The following KCNQ3 variants were observed in gnomAD, a reference collection of about 807,000 sequenced individuals.
KCNQ3 encodes potassium voltage-gated channel subfamily Q member 3.
KCNQ3 carries 30 observed loss-of-function variants against 92.5 expected under a neutral mutation model. That is an observed-to-expected ratio of 0.32 (90% CI 0.24 to 0.44). The LOEUF (loss-of-function observed/expected upper bound fraction) is 0.44. Ranked by LOEUF, KCNQ3 falls within the 20% of genes least tolerant of loss-of-function variation. The probability of loss-of-function intolerance (pLI) is 1.00; values close to 1 mark genes in which losing one functional copy is unlikely to be tolerated. For missense variants in KCNQ3, 913 were observed against 1,140.3 expected (o/e 0.80, Z 2.87); for synonymous variants, 450 against 468.8 (o/e 0.96, Z 0.52).
Position 132,121,229 on chromosome 8 carries a change from T to C in KCNQ3, c.*8033A>G, listed in dbSNP as rs898085076. ...GGATTCATGTCACTGGGAACCTCCA[T>C]TTGTTCTTCAAAGACTGGTGTTTTC... On this transcript the variant is annotated 3_prime_UTR_variant, in exon 15 of 15. Transcript: ENST00000388996. 1 of 152,152 alleles carries C rather than the reference T, an allele frequency of 6.6e-6. No individual in the cohort carries two copies. Among genetic ancestry groups the C allele is most frequent in the East Asian group, 1.9e-4 (1 of 5,202 alleles). The allele number at this position is 152,152 out of a possible 1,614,324, so 9.4% of individuals were successfully genotyped here.
At chr8:132,271,681 T>C (rs905928924) in intron 1 of KCNQ3, among the ~76,000 whole-genome samples, 7 of 152,218 alleles carry the variant, frequency 4.6e-5, no homozygotes, top group African/African-American at 1.7e-4. Context: ...GTGATGACAG[T>C]GAAAGTATTC....
intron 1 of KCNQ3, among the ~76,000 whole-genome samples, chr8:132,205,178 T>A (rs901673556): frequency 1.6e-4 from 24 of 152,244 alleles, no homozygotes; most frequent in African/African-American, 5.8e-4. Flanking sequence ...GTACTCACCC[T>A]CCAAAAAGAT....
At chr8:132,248,671 C>T (rs1289780359) in intron 1 of KCNQ3, among the ~76,000 whole-genome samples, 1 of 152,168 alleles carries the variant, frequency 6.6e-6, no homozygotes, top group Non-Finnish European at 1.5e-5. Flanking sequence ...TGTGGTTCAC[C>T]TGGGGCTGCA....
At chr8:132,304,991 T>C (rs1586912348) in intron 1 of KCNQ3, among the ~76,000 whole-genome samples, 1 of 152,094 alleles carries the variant, frequency 6.6e-6, no homozygotes. Flanking sequence ...GGCCAATAAG[T>C]GTGCTGGTTC....
intron 1 of KCNQ3, among the ~76,000 whole-genome samples, chr8:132,405,469 G>A (rs1255742263): frequency 6.6e-6 from 1 of 152,166 alleles, no homozygotes; most frequent in Non-Finnish European, 1.5e-5. Flanking sequence ...TGAGAGAAGT[G>A]CTAGGGCTCA....
Position 132,447,316 on chromosome 8 carries a change from G to C in KCNQ3, c.386+32831C>G. 2.1e-6 allele frequency: 3 copies of C among 1,411,030 alleles called. No homozygotes were observed. The South Asian group carries it at 3.7e-5, about 17-fold the overall frequency. 87.4% of individuals were successfully genotyped at this position (1,411,030 alleles called of 1,614,324 possible). On this transcript the variant is annotated intron_variant, in intron 1 of 14. Coordinates refer to ENST00000388996, the MANE Select transcript of KCNQ3 (RefSeq NM_004519.4). Reference sequence around the variant, plus strand: ...AAGCAGGGCAGAATGGGCAGACAAGGGTCAAGATAAAGGTACCAGAGAAAA... The same window carrying C: ...AAGCAGGGCAGAATGGGCAGACAAGCGTCAAGATAAAGGTACCAGAGAAAA...
chr8:132,431,212 G>A (rs1228067439), intron 1 of KCNQ3, among the ~76,000 whole-genome samples: 1 of 152,162 alleles, frequency 6.6e-6, no homozygotes, highest in African/African-American at 2.4e-5. Context: ...AGGAGAGTTT[G>A]TCCTTGTCAC....
intron 1 of KCNQ3, among the ~76,000 whole-genome samples, chr8:132,268,149 A>G (rs760725273): frequency 2.0e-5 from 3 of 152,136 alleles, no homozygotes; most frequent in Non-Finnish European, 2.9e-5. Flanking sequence ...TCCATGTTCT[A>G]TCTCTTCTAG....
intron 1 of KCNQ3, among the ~76,000 whole-genome samples, chr8:132,322,790 T>C (rs753596981): frequency 6.6e-6 from 1 of 152,192 alleles, no homozygotes; most frequent in Admixed American, 6.5e-5. Context: ...CTATACAGGC[T>C]TTTAAGCCTC....
At chr8:132,302,515 A>G (rs1004966761) in intron 1 of KCNQ3, among the ~76,000 whole-genome samples, 3 of 152,234 alleles carry the variant, frequency 2.0e-5, no homozygotes, top group African/African-American at 7.2e-5. Flanking sequence ...AGACAATGCC[A>G]AGGAATCTGG....
chr8:132,252,349 C>T (rs1297186678), intron 1 of KCNQ3, among the ~76,000 whole-genome samples: 11 of 151,994 alleles, frequency 7.2e-5, no homozygotes, highest in South Asian at 4.2e-4. Context: ...GGAGTGAAGC[C>T]GCAGACCTTT....
At chr8:132,176,982 C>T (rs1026008491) in intron 4 of KCNQ3, among the ~76,000 whole-genome samples, 7 of 152,266 alleles carry the variant, frequency 4.6e-5, no homozygotes, top group African/African-American at 1.7e-4. Flanking sequence ...CTTTGGTGAG[C>T]GAGGTTCTGT....
chr8:132,215,945 T>G (rs932379959), intron 1 of KCNQ3, among the ~76,000 whole-genome samples: 3 of 152,150 alleles, frequency 2.0e-5, no homozygotes, highest in Non-Finnish European at 4.4e-5. Context: ...GTCCAGTTTT[T>G]GGGAACTCAA....
intron 1 of KCNQ3, among the ~76,000 whole-genome samples, chr8:132,466,966 C>T (rs1197672607): frequency 6.6e-6 from 1 of 152,204 alleles, no homozygotes; most frequent in Non-Finnish European, 1.5e-5. Flanking sequence ...CCCCCTGGCT[C>T]AGTGTCGGCT....
intron 1 of KCNQ3, among the ~76,000 whole-genome samples, chr8:132,312,468 C>G (rs920705089): frequency 3.9e-5 from 6 of 151,906 alleles, no homozygotes; most frequent in African/African-American, 9.7e-5. Flanking sequence ...GGGGTGAAGA[C>G]AGAAACAATA....
intron 9 of KCNQ3, among the ~76,000 whole-genome samples, chr8:132,152,958 T>C (rs1375957147): frequency 1.3e-5 from 2 of 152,216 alleles, no homozygotes; most frequent in African/African-American, 4.8e-5. Context: ...TGCAAACAAC[T>C]CTATCCCATC....
chr8:132,479,976 ACACACACAC>A (rs1262895970), intron 1 of KCNQ3, among the ~76,000 whole-genome samples, 162 bp downstream of exon 1: 3 of 151,630 alleles, frequency 2.0e-5, no homozygotes, highest in African/African-American at 7.3e-5. Context: ...ACACACACAC[ACACACACAC>A]ACACACACCC....
chr8:132,134,335 G>A lies in KCNQ3; in HGVS notation c.1754C>T (p.Ser585Phe). 2 of 1,614,044 alleles carry A rather than the reference G, an allele frequency of 1.2e-6. No homozygotes were observed. Among genetic ancestry groups the A allele is most frequent in the Non-Finnish European group, 1.7e-6 (2 of 1,179,970 alleles). ...GPPSTPKHKK[S>F]QKGSAFTFPS... ...GAAGGTGAATGCTGACCCTTTCTGA[G>A]ACTTCTTGTGTTTTGGCGTGGAGGG... The change falls in exon 13 of 15, where the codon TCT becomes TTT. Residue 585 changes from serine to phenylalanine, a missense_variant. By Grantham distance (155) the Ser-to-Phe change is radical. Around this residue, in one of 6 missense-constraint regions of KCNQ3, gnomAD observed 375 missense variants for 376.4 expected, o/e 1.00. Coordinates refer to ENST00000388996, the MANE Select transcript of KCNQ3 (RefSeq NM_004519.4).
chr8:132,242,488 A>G (rs1357194711), intron 1 of KCNQ3, among the ~76,000 whole-genome samples: 1 of 152,208 alleles, frequency 6.6e-6, no homozygotes, highest in East Asian at 1.9e-4. Context: ...CAGAGTTGCA[A>G]TTTGAACCTA....
Sources: gnomAD v4.1 joint callset for allele counts (sites outside exome capture counted in the v4.1 genomes callset) on GRCh38, gnomAD v4.1.1 for gene constraint, gnomAD v4.1.1 regional missense constraint, MANE v1.5 for transcripts, NCBI Gene and HGNC (gene_info 2026-07-23, HGNC 2026-07-21) for gene names.